TRAPPC11: variants seen among roughly 807,000 people sequenced by gnomAD.
The protein encoded by TRAPPC11 is foie gras homolog.
Under a neutral mutation model 151.2 loss-of-function variants are expected in TRAPPC11, and 104 were observed. That is an observed-to-expected ratio of 0.69 (90% CI 0.59 to 0.81). The LOEUF (loss-of-function observed/expected upper bound fraction) is 0.81, where lower values mean the gene tolerates loss of function less well. TRAPPC11 is among the 30% of genes least tolerant of loss of function. TRAPPC11 has a pLI of 0.00. For synonymous variants in TRAPPC11, 456 were observed against 472.3 expected, an observed-to-expected ratio of 0.97 and a Z score of 0.45; for missense variants, 1,230 against 1,349.6, an observed-to-expected ratio of 0.91 and a Z score of 1.39.
intron 1 of TRAPPC11, among the ~76,000 whole-genome samples, chr4:183,663,128 G>C (rs765154297): frequency 6.6e-6 from 1 of 152,118 alleles, no homozygotes; most frequent in East Asian, 1.9e-4. Flanking sequence ...GTGGAGTGCC[G>C]TGATCTTGGC....
chr4:183,674,607 A>G lies in TRAPPC11; in HGVS notation c.561-106A>G, dbSNP rs1418568098. 4 of 587,728 alleles carry G rather than the reference A, an allele frequency of 6.8e-6. No individual in the cohort carries two copies. The East Asian group carries it at 1.2e-4, about 18-fold the overall frequency. The allele number at this position is 587,728 out of a possible 1,614,324, so 36.4% of individuals were successfully genotyped here. The stretch of plus-strand genomic sequence containing the variant: ...CTTTGTCTTATTCATAATGTAAAAC[A>G]GATATTTCTGTCACCATTTTACTTT... On this transcript the variant is annotated intron_variant, in intron 5 of 29. Coordinates refer to ENST00000334690, the MANE Select transcript of TRAPPC11 (RefSeq NM_021942.6).
intron 23 of TRAPPC11, among the ~76,000 whole-genome samples, chr4:183,696,808 G>T (rs1370172727): frequency 6.6e-6 from 1 of 152,174 alleles, no homozygotes; most frequent in Non-Finnish European, 1.5e-5. Flanking sequence ...TTGTTTCCTT[G>T]TGTGATTATG....
intron 26 of TRAPPC11, among the ~76,000 whole-genome samples, chr4:183,704,147 G>A (rs538811059): frequency 6.6e-6 from 1 of 152,154 alleles, no homozygotes; most frequent in African/African-American, 2.4e-5. Flanking sequence ...AGCAGCCCTG[G>A]GTTATAACAG....
chr4:183,702,164 T>C lies in TRAPPC11; in HGVS notation c.2963+356T>C, dbSNP rs148691879. On this transcript the variant is annotated intron_variant, in intron 26 of 29. Transcript: ENST00000334690. ...TTTGAGACCAGCCTGGGCAACATGGTGAAACCCTGTCTCTACAAAAAATAC... is the reference window on the plus strand; with the variant it reads ...TTTGAGACCAGCCTGGGCAACATGGCGAAACCCTGTCTCTACAAAAAATAC... Among the ~76,000 whole-genome samples, 363 of 152,068 alleles carry C rather than the reference T, an allele frequency of 2.4e-3. 1 individual carries two copies. The highest frequency in any genetic ancestry group is 8.3e-3 in the African/African-American group (344 of 41,496).
At chr4:183,708,635 T>C (rs965845102) in intron 29 of TRAPPC11, 61 bp downstream of exon 29, 1 of 1,515,916 alleles carries the variant, frequency 6.6e-7, no homozygotes, top group Non-Finnish European at 9.1e-7. Context: ...CAGACTTCTT[T>C]TTCATGTAAA....
intron 26 of TRAPPC11, among the ~76,000 whole-genome samples, chr4:183,702,738 T>G (rs1736862868): frequency 6.6e-6 from 1 of 152,230 alleles, no homozygotes; most frequent in African/African-American, 2.4e-5. Context: ...CATTGTAATT[T>G]CTTTCTTAGA....
chr4:183,676,388 G>T (rs7689582), intron 7 of TRAPPC11, among the ~76,000 whole-genome samples: 74,266 of 151,876 alleles, frequency 0.49, 18,702 homozygotes, highest in African/African-American at 0.61. Flanking sequence ...GACCTCAGGT[G>T]ATCCACCCAC....
At chr4:183,686,090 A>G (rs572098008) in intron 17 of TRAPPC11, among the ~76,000 whole-genome samples, 28 of 151,836 alleles carry the variant, frequency 1.8e-4, no homozygotes, top group African/African-American at 6.5e-4. Flanking sequence ...CACCCGCCTG[A>G]GCCTCCCAAA....
At position 183,667,983 on chromosome 4, in the gene TRAPPC11, T is replaced by C; in HGVS notation, c.446-20T>C. ...TTAGTTATTTTATTTCTCATTCATC[T>C]TGATGGGGATTATCAACAGGAGAAG... On this transcript the variant is annotated intron_variant, in intron 4 of 29. Coordinates refer to ENST00000334690, the MANE Select transcript of TRAPPC11 (RefSeq NM_021942.6). 4.3e-6 allele frequency: 6 copies of C among 1,389,744 alleles called. No homozygotes were observed. Among genetic ancestry groups the C allele is most frequent in the Non-Finnish European group, 6.1e-6 (6 of 977,618 alleles). The allele number at this position is 1,389,744 out of a possible 1,614,324, so 86.1% of individuals were successfully genotyped here.
In TRAPPC11 at chr4:183,693,904, T is replaced by C. The variant is rs780862418; in HGVS notation, c.2387-13T>C. 2 of 1,611,674 alleles carry C rather than the reference T, an allele frequency of 1.2e-6. No individual in the cohort carries two copies. Among genetic ancestry groups the C allele is most frequent in the South Asian group, 2.2e-5 (2 of 90,942 alleles). Reference sequence around the variant, plus strand: ...AATTCTTTGTTTTGAAGAACCAATATTAACTCTTTTAGGACAGGATGCCAA... The same window carrying C: ...AATTCTTTGTTTTGAAGAACCAATACTAACTCTTTTAGGACAGGATGCCAA... On this transcript the variant is annotated splice_polypyrimidine_tract_variant and intron_variant, in intron 21 of 29. Coordinates refer to ENST00000334690, the MANE Select transcript of TRAPPC11 (RefSeq NM_021942.6).
chr4:183,689,230 G>T (rs983965057), intron 18 of TRAPPC11, among the ~76,000 whole-genome samples: 1 of 152,112 alleles, frequency 6.6e-6, no homozygotes, highest in Non-Finnish European at 1.5e-5. Flanking sequence ...GATATAAGAG[G>T]CATTTAAAAA....
At chr4:183,708,935 T>C (rs1257487723) in intron 29 of TRAPPC11, among the ~76,000 whole-genome samples, 2 of 152,228 alleles carry the variant, frequency 1.3e-5, no homozygotes, top group African/African-American at 4.8e-5. Context: ...CTGTGTAATA[T>C]TAGATTTAGC....
chr4:183,665,312 T>A (rs1043988889), intron 2 of TRAPPC11, among the ~76,000 whole-genome samples: 2 of 152,004 alleles, frequency 1.3e-5, no homozygotes, highest in African/African-American at 2.4e-5. Context: ...GCCAGGATGG[T>A]CTCGATCTCC....
intron 11 of TRAPPC11, among the ~76,000 whole-genome samples, chr4:183,683,600 G>T (rs909770272): frequency 6.6e-6 from 1 of 152,132 alleles, no homozygotes; most frequent in Non-Finnish European, 1.5e-5. Context: ...AGGTTGATGC[G>T]CAGTGAGCTG....
rs1472271449 is a variant in TRAPPC11 at position 183,677,444 on chromosome 4, CCCT to C, written c.735-9_735-7del. 3.4e-6 allele frequency: 5 copies of C among 1,452,362 alleles called. No individual in the cohort carries two copies. The highest frequency in any genetic ancestry group is 4.8e-6 in the Non-Finnish European group (5 of 1,038,474). 90.0% of individuals were successfully genotyped at this position (1,452,362 alleles called of 1,614,324 possible). Reference sequence around the variant, plus strand: ...TTAAACTAATTTATATCATTAACCACCCTCCTCATTTAGGAATTATAGGACCGC... The same window carrying C: ...TTAAACTAATTTATATCATTAACCACCCTCATTTAGGAATTATAGGACCGC... On this transcript the variant is annotated splice_polypyrimidine_tract_variant and intron_variant, in intron 7 of 29. Transcript: ENST00000334690.
intron 6 of TRAPPC11, 82 bp downstream of exon 6, chr4:183,674,894 C>T: frequency 1.2e-6 from 1 of 835,598 alleles, no homozygotes; most frequent in South Asian, 1.8e-5. Context: ...GTTCTTAATA[C>T]TTTAATGTTT....
At chr4:183,673,558 C>T (rs946476640) in intron 5 of TRAPPC11, among the ~76,000 whole-genome samples, 9 of 152,056 alleles carry the variant, frequency 5.9e-5, no homozygotes, top group Non-Finnish European at 1.3e-4. Context: ...CATGTAGTTC[C>T]AGCCACTCTG....
Position 183,663,940 on chromosome 4 carries a change from C to T in TRAPPC11, c.73C>T (p.Leu25=). 3 of 1,614,078 alleles carry T rather than the reference C, an allele frequency of 1.9e-6. No homozygotes were observed. The highest frequency in any genetic ancestry group is 2.5e-6 in the Non-Finnish European group (3 of 1,180,022). Residue 25 remains leucine, a synonymous_variant, in exon 2 of 30, where the codon CTG becomes TTG. Transcript: ENST00000334690. ...TATGGCCTTTGTTACTCTAACGGGCCTGGATGTAGTTTATAATGCAGTCCA... is the reference window on the plus strand; with the variant it reads ...TATGGCCTTTGTTACTCTAACGGGCTTGGATGTAGTTTATAATGCAGTCCA... The part of the protein sequence containing the change: ...RPMAFVTLTG[L]DVVYNAVHRA...
intron 23 of TRAPPC11, among the ~76,000 whole-genome samples, chr4:183,697,256 A>G (rs1050505729): frequency 6.6e-6 from 1 of 151,956 alleles, no homozygotes; most frequent in African/African-American, 2.4e-5. Flanking sequence ...GGCTGCAGTG[A>G]TCTGTGATGG....
Sources: allele counts gnomAD v4.1 joint callset (sites outside exome capture counted in the v4.1 genomes callset), GRCh38; gene constraint gnomAD v4.1.1; transcripts MANE v1.5; gene names NCBI Gene and HGNC (gene_info 2026-07-23, HGNC 2026-07-21).